The following SLC30A9 variants were observed in gnomAD, a reference collection of about 807,000 sequenced individuals.
SLC30A9 encodes solute carrier family 30 member 9, also known as proton-coupled zinc antiporter SLC30A9, mitochondrial.
Under a neutral mutation model 87.5 loss-of-function variants are expected in SLC30A9, and 58 were observed. The ratio of observed to expected loss-of-function variants is 0.66; its 90% CI spans 0.54 to 0.82. SLC30A9 has a LOEUF of 0.82. SLC30A9 is among the 40% of genes least tolerant of loss of function. SLC30A9 has a pLI of 0.00. For missense variants in SLC30A9, 557 were observed against 679.1 expected (o/e 0.82, Z 2.00); for synonymous variants, 234 against 233.0 (o/e 1.00, Z -0.04).
chr4:42,000,866 G>C (rs1011699914), intron 1 of SLC30A9, among the ~76,000 whole-genome samples: 1 of 151,952 alleles, frequency 6.6e-6, no homozygotes. Flanking sequence ...CAAAATATAT[G>C]AATGATATCT....
chr4:42,067,777 G>A (rs1718141434), intron 14 of SLC30A9, among the ~76,000 whole-genome samples: 1 of 152,130 alleles, frequency 6.6e-6, no homozygotes, highest in African/African-American at 2.4e-5. Context: ...CAGTGAATTG[G>A]GGTGTCTAAA....
At chr4:42,022,307 A>C (rs1224531443) in intron 4 of SLC30A9, among the ~76,000 whole-genome samples, 2 of 145,486 alleles carry the variant, frequency 1.4e-5, no homozygotes, top group Non-Finnish European at 3.0e-5. Flanking sequence ...GGCTCACTGT[A>C]ACCTCTGCCT....
intron 2 of SLC30A9, among the ~76,000 whole-genome samples, chr4:42,007,253 G>C (rs1037970746): frequency 6.6e-6 from 1 of 152,106 alleles, no homozygotes; most frequent in African/African-American, 2.4e-5. Flanking sequence ...GGCAATGCTT[G>C]GTTACTGTTT....
At chr4:42,079,640 C>A (rs2153141374) in intron 17 of SLC30A9, among the ~76,000 whole-genome samples, 1 of 149,442 alleles carries the variant, frequency 6.7e-6, no homozygotes, top group Middle Eastern at 3.7e-3. Context: ...CGGAGTCTCG[C>A]ACTGTCACCC....
intron 6 of SLC30A9, among the ~76,000 whole-genome samples, chr4:42,033,589 T>G (rs1716541286): frequency 6.6e-6 from 1 of 152,236 alleles, no homozygotes. Context: ...TCTTGCTTTT[T>G]TTTTGAGGCG....
In SLC30A9 at chr4:42,051,586, T is replaced by TA. The variant is rs199795849; in HGVS notation, c.840+2114dup. Among the ~76,000 whole-genome samples, 14 of 152,190 alleles carry TA rather than the reference T, an allele frequency of 9.2e-5. No individual in the cohort carries two copies. In the East Asian group the frequency reaches 2.7e-3, roughly 29 times the overall value. On this transcript the variant is annotated intron_variant, in intron 9 of 17. Coordinates refer to ENST00000264451, the MANE Select transcript of SLC30A9 (RefSeq NM_006345.4). Reference sequence around the variant, plus strand: ...ATAAACCAAATGAAACTTTTAGAGCTAAAAAAATATATCTGGTGTGAAAAA... The same window carrying TA: ...ATAAACCAAATGAAACTTTTAGAGCTAAAAAAAATATATCTGGTGTGAAAAA...
intron 9 of SLC30A9, among the ~76,000 whole-genome samples, chr4:42,053,951 G>A (rs1397775227): frequency 6.6e-6 from 1 of 152,164 alleles, no homozygotes; most frequent in Non-Finnish European, 1.5e-5. Flanking sequence ...GGTTGCGTCT[G>A]ATGTCGGGGA....
chr4:42,013,755 A>G (rs1715554750), intron 2 of SLC30A9, among the ~76,000 whole-genome samples: 1 of 152,252 alleles, frequency 6.6e-6, no homozygotes, highest in Non-Finnish European at 1.5e-5. Context: ...AAAATGGAGT[A>G]AAGACTGAAA....
rs778912116 is a variant in SLC30A9 at position 41,990,677 on chromosome 4, C to T, written c.26C>T (p.Ala9Val). The change falls in exon 1 of 18, where the codon GCG becomes GTG. Residue 9 changes from alanine (A) to valine (V), a missense_variant. By Grantham distance (64) the Ala-to-Val change is moderately conservative (BLOSUM62 0). Coordinates refer to ENST00000264451, the MANE Select transcript of SLC30A9 (RefSeq NM_006345.4). MLPGLAAA[A>V]AHRCSWSSLC... ...ATGTTACCCGGCTTGGCCGCCGCCG[C>T]GGCCCACAGATGTAGCTGGTCCTCC... The T allele has an allele frequency of 1.2e-6, 2 of 1,607,890 alleles. No homozygotes were observed. The highest frequency in any genetic ancestry group is 2.2e-5 in the South Asian group (2 of 90,794).
chr4:41,993,441 A>T (rs1714544852), intron 1 of SLC30A9, among the ~76,000 whole-genome samples: 1 of 152,354 alleles, frequency 6.6e-6, no homozygotes, highest in South Asian at 2.1e-4. Context: ...ACCAGTATAC[A>T]TTCCAGTAGG....
At chr4:42,020,988 T>C (rs1715923274) in intron 4 of SLC30A9, among the ~76,000 whole-genome samples, 1 of 152,218 alleles carries the variant, frequency 6.6e-6, no homozygotes. Context: ...CTGTTATTAT[T>C]AATTTTCTCA....
chr4:42,077,042 T>C (rs1305754809), intron 16 of SLC30A9, among the ~76,000 whole-genome samples: 2 of 152,162 alleles, frequency 1.3e-5, no homozygotes, highest in South Asian at 2.1e-4. Flanking sequence ...AAAATTTCTT[T>C]AGTATGGTGT....
intron 17 of SLC30A9, among the ~76,000 whole-genome samples, chr4:42,082,877 T>G (rs1718792913): frequency 6.6e-6 from 1 of 152,020 alleles, no homozygotes; most frequent in South Asian, 2.1e-4. Flanking sequence ...CTAGAACTTT[T>G]GTATAGTTAT....
intron 6 of SLC30A9, among the ~76,000 whole-genome samples, chr4:42,033,882 CT>C (rs1313123137): frequency 6.6e-6 from 1 of 152,120 alleles, no homozygotes; most frequent in Non-Finnish European, 1.5e-5. Context: ...GCTGCTCTTG[CT>C]TTTTTTACTT....
chr4:42,011,908 G>T (rs1034336905), intron 2 of SLC30A9, among the ~76,000 whole-genome samples: 1 of 152,196 alleles, frequency 6.6e-6, no homozygotes, highest in Non-Finnish European at 1.5e-5. Flanking sequence ...AATAGTCATT[G>T]TCAGTAGGAG....
intron 9 of SLC30A9, among the ~76,000 whole-genome samples, chr4:42,049,921 GC>G (rs1325622880): frequency 6.6e-6 from 1 of 152,036 alleles, no homozygotes; most frequent in East Asian, 1.9e-4. Flanking sequence ...ACCCCCTGTG[GC>G]CCAAATTGTG....
intron 6 of SLC30A9, among the ~76,000 whole-genome samples, chr4:42,027,633 A>G (rs1402202506): frequency 1.3e-5 from 2 of 152,212 alleles, no homozygotes; most frequent in African/African-American, 2.4e-5. Context: ...AAGGAATACA[A>G]TATATGTTGA....
rs60080796 is a variant in SLC30A9 at position 42,047,840 on chromosome 4, A to G, written c.738-1537A>G. The stretch of plus-strand genomic sequence containing the variant: ...TTGGAGCCAACCCAGATGCCCATCA[A>G]TGATAGACTGGATAAAGAAAATGTG... On this transcript the variant is annotated intron_variant, in intron 8 of 17. Transcript: ENST00000264451. Among the ~76,000 whole-genome samples, 975 of 152,346 alleles carry G rather than the reference A, an allele frequency of 6.4e-3. 15 individuals are homozygous for G. The highest frequency in any genetic ancestry group is 0.023 in the African/African-American group (936 of 41,568).
chr4:42,023,779 G>T (rs1018215837), intron 6 of SLC30A9, among the ~76,000 whole-genome samples: 1 of 152,134 alleles, frequency 6.6e-6, no homozygotes, highest in South Asian at 2.1e-4. Flanking sequence ...AGATTTAACT[G>T]ACTCACAGTT....
Sources: gnomAD v4.1 joint callset for allele counts (sites outside exome capture counted in the v4.1 genomes callset) on GRCh38, gnomAD v4.1.1 for gene constraint, MANE v1.5 for transcripts, NCBI Gene and HGNC (gene_info 2026-07-23, HGNC 2026-07-21) for gene names.